Variants in LYPD6B observed in about 807,000 individuals in gnomAD.
LYPD6B encodes the protein LY6/PLAUR domain containing 6B.
LYPD6B carries 17 observed loss-of-function variants against 22.8 expected under a neutral mutation model. The observed-to-expected ratio is 0.75, with a 90% confidence interval of 0.51 to 1.12. The LOEUF is 1.12. Ranked by LOEUF, LYPD6B falls within the 50% of genes most tolerant of loss-of-function variation. LYPD6B has a pLI of 0.00. For synonymous variants in LYPD6B, 106 were observed against 91.6 expected, an observed-to-expected ratio of 1.16 and a Z score of -0.90; for missense variants, 221 against 258.3, an observed-to-expected ratio of 0.86 and a Z score of 0.99.
At chr2:149,189,367 T>TATATATATATATATATATATAA in intron 3 of LYPD6B, among the ~76,000 whole-genome samples, 2 of 81,014 alleles carry the variant, frequency 2.5e-5, no homozygotes, top group Admixed American at 1.3e-4. Context: ...TATATATATA[T>TATATATATATATATATATATAA]ACACACACAT....
chr2:149,137,142 G>A (rs1002369004), intron 2 of LYPD6B, among the ~76,000 whole-genome samples: 8 of 152,124 alleles, frequency 5.3e-5, no homozygotes, highest in South Asian at 2.1e-4. Flanking sequence ...AGGACTTTAG[G>A]TATTGTTTTT....
chr2:149,136,811 G>A (rs73963700), intron 2 of LYPD6B, among the ~76,000 whole-genome samples: 2,038 of 152,274 alleles, frequency 0.013, 39 homozygotes, highest in African/African-American at 0.047. Context: ...ATGTTTTTAG[G>A]CAGCTTATTC....
At chr2:149,041,098 CAAA>C (rs552623435) in intron 1 of LYPD6B, among the ~76,000 whole-genome samples, 10 of 110,760 alleles carry the variant, frequency 9.0e-5, no homozygotes, top group Admixed American at 1.7e-4. Flanking sequence ...GACTCCGTCT[CAAA>C]AAAAAAAAAA....
At chr2:149,186,964 G>T (rs1254852291) in intron 3 of LYPD6B, among the ~76,000 whole-genome samples, 2 of 152,158 alleles carry the variant, frequency 1.3e-5, no homozygotes, top group African/African-American at 2.4e-5. Context: ...ACCCTGATGA[G>T]TCAGCAGCCA....
intron 1 of LYPD6B, among the ~76,000 whole-genome samples, chr2:149,125,236 A>G (rs553541629): frequency 1.3e-5 from 2 of 152,194 alleles, no homozygotes; most frequent in Non-Finnish European, 2.9e-5. Context: ...CCTGTTTGCC[A>G]AAGTCAAACA....
At chr2:149,212,240 G>A (rs2106181591) in intron 5 of LYPD6B, among the ~76,000 whole-genome samples, 1 of 151,490 alleles carries the variant, frequency 6.6e-6, no homozygotes, top group South Asian at 2.1e-4. Flanking sequence ...AAATTAGCCA[G>A]GCGTGGTGGC....
chr2:149,179,503 A>G (rs1456369740), intron 3 of LYPD6B, among the ~76,000 whole-genome samples: 1 of 152,236 alleles, frequency 6.6e-6, no homozygotes, highest in Non-Finnish European at 1.5e-5. Context: ...AGATCAGTAT[A>G]TGTGCCACAA....
chr2:149,050,470 G>A (rs1369387079), intron 1 of LYPD6B, among the ~76,000 whole-genome samples: 1 of 152,104 alleles, frequency 6.6e-6, no homozygotes, highest in Non-Finnish European at 1.5e-5. Context: ...CCTGCATTTT[G>A]GGACTATTTC....
chr2:149,116,090 T>C (rs1158413965), intron 1 of LYPD6B, among the ~76,000 whole-genome samples: 1 of 152,232 alleles, frequency 6.6e-6, no homozygotes, highest in Admixed American at 6.5e-5. Context: ...ATGTAGGCAT[T>C]TTATCATCTC....
chr2:149,098,759 CT>C (rs1001512748), intron 1 of LYPD6B, among the ~76,000 whole-genome samples: 6 of 105,602 alleles, frequency 5.7e-5, no homozygotes, highest in African/African-American at 1.7e-4. Context: ...TATACATGTG[CT>C]TTTTCTTTTT....
At chr2:149,147,485 G>A (rs1239247063) in intron 2 of LYPD6B, among the ~76,000 whole-genome samples, 1 of 151,964 alleles carries the variant, frequency 6.6e-6, no homozygotes, top group East Asian at 1.9e-4. Flanking sequence ...CTTTGTTTGA[G>A]GGTTTGTTTG....
At chr2:149,160,513 A>G in intron 2 of LYPD6B, 1 of 600,852 alleles carries the variant, frequency 1.7e-6, no homozygotes, top group African/African-American at 1.8e-5. Flanking sequence ...ACCATTCTTA[A>G]TTAGATGGGG....
At chr2:149,064,326 AT>A (rs1415608444) in intron 1 of LYPD6B, among the ~76,000 whole-genome samples, 1 of 152,216 alleles carries the variant, frequency 6.6e-6, no homozygotes, top group Non-Finnish European at 1.5e-5. Flanking sequence ...TGAATCAATG[AT>A]TTACAAAGAA....
intron 1 of LYPD6B, among the ~76,000 whole-genome samples, chr2:149,065,618 C>A (rs1224762293): frequency 6.6e-6 from 1 of 152,206 alleles, no homozygotes; most frequent in Non-Finnish European, 1.5e-5. Flanking sequence ...TGATTGGCAG[C>A]ATCAGTACTA....
chr2:149,151,480 T>A (rs930126831), intron 2 of LYPD6B, among the ~76,000 whole-genome samples: 3 of 152,144 alleles, frequency 2.0e-5, no homozygotes, highest in South Asian at 4.1e-4. Context: ...TAGTCTTCCG[T>A]AGGATCAGTG....
intron 1 of LYPD6B, among the ~76,000 whole-genome samples, chr2:149,126,760 G>C (rs1420593710): frequency 6.6e-6 from 1 of 152,198 alleles, no homozygotes; most frequent in Non-Finnish European, 1.5e-5. Flanking sequence ...ACCAGTTCTA[G>C]AGAAACCCTG....
At chr2:149,067,533 T>A (rs1057287642) in intron 1 of LYPD6B, among the ~76,000 whole-genome samples, 1 of 151,160 alleles carries the variant, frequency 6.6e-6, no homozygotes, top group Non-Finnish European at 1.5e-5. Flanking sequence ...TTTTTTCCTA[T>A]CTTTTCTGTG....
chr2:149,098,907 T>C (rs1686056848), intron 1 of LYPD6B, among the ~76,000 whole-genome samples: 1 of 152,094 alleles, frequency 6.6e-6, no homozygotes, highest in South Asian at 2.1e-4. Flanking sequence ...GTCACAGTAA[T>C]GATCAGTGGC....
chr2:149,130,783 T>A (rs985510290), intron 1 of LYPD6B, 100 bp from the exon 2 acceptor site: 2 of 611,618 alleles, frequency 3.3e-6, no homozygotes, highest in Non-Finnish European at 5.8e-6. Flanking sequence ...CTCTTTATGA[T>A]GTGTCCCCAG....
Sources: gnomAD v4.1 joint callset for allele counts (sites outside exome capture counted in the v4.1 genomes callset) on GRCh38, gnomAD v4.1.1 for gene constraint, MANE v1.5 for transcripts, NCBI Gene and HGNC (gene_info 2026-07-23, HGNC 2026-07-21) for gene names.